Variants in LDLRAD4 observed in about 807,000 individuals in gnomAD.
The protein encoded by LDLRAD4 is low density lipoprotein receptor class A domain containing 4.
LDLRAD4 carries 5 observed loss-of-function variants against 17.0 expected under a neutral mutation model. That is an observed-to-expected ratio of 0.29 (90% CI 0.15 to 0.62). LDLRAD4 has a LOEUF of 0.62. Among genes scored for constraint, LDLRAD4 ranks in the 20% least tolerant of loss-of-function variants. The pLI is 0.84. For synonymous variants in LDLRAD4, 168 were observed against 171.8 expected (o/e 0.98, Z 0.17); for missense variants, 340 against 424.7 (o/e 0.80, Z 1.75).
intron 1 of LDLRAD4, chr18:13,240,330 C>T (rs983482043): frequency 6.6e-5 from 10 of 152,388 alleles, no homozygotes; most frequent in Admixed American, 3.3e-4. Flanking sequence ...CCGATGTCCC[C>T]GTGAGCTGGT....
At chr18:13,502,880 G>T (rs536245494) in intron 3 of LDLRAD4, among the ~76,000 whole-genome samples, 1 of 152,376 alleles carries the variant, frequency 6.6e-6, no homozygotes, top group South Asian at 2.1e-4. Context: ...GCCACAGGCT[G>T]GGATCCCAGT....
chr18:13,387,605 C>A, exon 2 of LDLRAD4: 1 of 941,242 alleles, frequency 1.1e-6, no homozygotes, highest in Non-Finnish European at 1.7e-6. Flanking sequence ...TCCCAGAGGC[C>A]GGCCCAGCAG....
intron 4 of LDLRAD4, among the ~76,000 whole-genome samples, chr18:13,635,968 T>TGTGTGTGTGTGTGTGTGA (rs1344178358): frequency 1.8e-4 from 26 of 147,954 alleles, no homozygotes; most frequent in African/African-American, 5.9e-4. Flanking sequence ...TGTGTGTGTG[T>TGTGTGTGTGTGTGTGTGA]GATTGTGCCT....
intron 3 of LDLRAD4, among the ~76,000 whole-genome samples, chr18:13,527,404 T>C (rs1239381727): frequency 6.6e-6 from 1 of 152,222 alleles, no homozygotes; most frequent in Non-Finnish European, 1.5e-5. Context: ...TTGCTGGCCT[T>C]CTGGAGACCG....
Position 13,457,113 on chromosome 18 carries a change from C to A in LDLRAD4, c.181+18729C>A, listed in dbSNP as rs572594387. 5.3e-5 allele frequency among the ~76,000 whole-genome samples: 8 copies of A among 152,352 alleles called. No individual in the cohort carries two copies. The East Asian group carries it at 1.5e-3, about 29-fold the overall frequency. Reference sequence around the variant, plus strand: ...AGCTCCACAGGCCGGGGGGTCAGTCCCCAAGGCTGCCCCTCAGACTCCAGT... The same window carrying A: ...AGCTCCACAGGCCGGGGGGTCAGTCACCAAGGCTGCCCCTCAGACTCCAGT... On this transcript the variant is annotated intron_variant, in intron 3 of 5. Transcript: ENST00000359446.
intron 3 of LDLRAD4, among the ~76,000 whole-genome samples, chr18:13,559,429 G>A (rs2094516803): frequency 9.5e-6 from 1 of 104,766 alleles, no homozygotes; most frequent in African/African-American, 3.7e-5. Context: ...TACATATAAG[G>A]CCCAATATGC....
chr18:13,529,338 C>T (rs571449011), intron 3 of LDLRAD4, among the ~76,000 whole-genome samples: 1 of 152,186 alleles, frequency 6.6e-6, no homozygotes, highest in East Asian at 1.9e-4. Context: ...AGGTATTCTC[C>T]GAAGATGGCC....
intron 3 of LDLRAD4, among the ~76,000 whole-genome samples, chr18:13,583,242 T>C (rs1283205811): frequency 2.6e-5 from 4 of 152,188 alleles, no homozygotes; most frequent in Non-Finnish European, 5.9e-5. Flanking sequence ...AATATTTTAG[T>C]ATTTCTTTTA....
At chr18:13,457,035 C>T (rs2092172822) in intron 3 of LDLRAD4, among the ~76,000 whole-genome samples, 1 of 152,222 alleles carries the variant, frequency 6.6e-6, no homozygotes, top group Non-Finnish European at 1.5e-5. Context: ...ACTTCTGTGG[C>T]CTAGTGTGTG....
chr18:13,470,724 G>A (rs552998159), intron 3 of LDLRAD4: 45 of 151,594 alleles, frequency 3.0e-4, no homozygotes, highest in African/African-American at 1.1e-3. Context: ...GAGGGTGCAA[G>A]GGTGTCTGCT....
intron 3 of LDLRAD4, among the ~76,000 whole-genome samples, chr18:13,588,494 A>T (rs1184018759): frequency 1.3e-5 from 2 of 152,302 alleles, no homozygotes; most frequent in East Asian, 1.9e-4. Flanking sequence ...GGCTTCATTA[A>T]GGAATGTATT....
At chr18:13,570,571 C>T (rs996906057) in intron 3 of LDLRAD4, among the ~76,000 whole-genome samples, 3 of 152,144 alleles carry the variant, frequency 2.0e-5, no homozygotes, top group Admixed American at 6.6e-5. Flanking sequence ...GGGGAGATGC[C>T]GCTGATAGTC....
At chr18:13,382,656 CGT>C (rs1281019510) in intron 1 of LDLRAD4, 1 of 152,162 alleles carries the variant, frequency 6.6e-6, no homozygotes, top group Non-Finnish European at 1.5e-5. Flanking sequence ...CATGTGTGTG[CGT>C]GTGTGTGTAG....
chr18:13,228,791 C>A (rs541718502), intron 1 of LDLRAD4, among the ~76,000 whole-genome samples: 1 of 152,172 alleles, frequency 6.6e-6, no homozygotes, highest in East Asian at 1.9e-4. Flanking sequence ...ACTAGACGTC[C>A]TGGGATTTTG....
At chr18:13,582,297 T>C (rs2094872197) in intron 3 of LDLRAD4, among the ~76,000 whole-genome samples, 1 of 152,218 alleles carries the variant, frequency 6.6e-6, no homozygotes. Flanking sequence ...AGGAGAAAGA[T>C]GAATGTGTAT....
intron 1 of LDLRAD4, among the ~76,000 whole-genome samples, chr18:13,353,975 A>G (rs1599626591): frequency 6.6e-6 from 1 of 152,116 alleles, no homozygotes; most frequent in Admixed American, 6.5e-5. Context: ...TATTTTGCTG[A>G]TGTCACTGCT....
chr18:13,290,865 A>G (rs1386309167), intron 1 of LDLRAD4, among the ~76,000 whole-genome samples: 1 of 152,242 alleles, frequency 6.6e-6, no homozygotes, highest in Non-Finnish European at 1.5e-5. Flanking sequence ...GGTGCAGTCT[A>G]CATAAGGACC....
At chr18:13,510,812 A>T (rs1186167615) in intron 3 of LDLRAD4, among the ~76,000 whole-genome samples, 1 of 152,158 alleles carries the variant, frequency 6.6e-6, no homozygotes, top group African/African-American at 2.4e-5. Context: ...CAGAGTATGG[A>T]AGCAGAGAGG....
intron 1 of LDLRAD4, among the ~76,000 whole-genome samples, chr18:13,369,562 G>A (rs530845469): frequency 1.2e-4 from 18 of 152,166 alleles, no homozygotes; most frequent in African/African-American, 3.1e-4. Flanking sequence ...GGCAGTGTTC[G>A]GACCGTGAGA....
Sources: gnomAD v4.1 joint callset for allele counts (sites outside exome capture counted in the v4.1 genomes callset) on GRCh38, gnomAD v4.1.1 for gene constraint, MANE v1.5 for transcripts, NCBI Gene and HGNC (gene_info 2026-07-23, HGNC 2026-07-21) for gene names.